GRIK1: variants seen among roughly 807,000 people sequenced by gnomAD.
The protein encoded by GRIK1 is glutamate receptor ionotropic, kainate 1.
In GRIK1, 69 loss-of-function variants were observed where a neutral mutation model predicts 105.7. The ratio of observed to expected loss-of-function variants is 0.65; its 90% CI spans 0.54 to 0.80. GRIK1 has a LOEUF of 0.80. Among genes scored for constraint, GRIK1 ranks in the 30% least tolerant of loss-of-function variants. The probability of loss-of-function intolerance (pLI) is 0.00; values close to 1 mark genes in which losing one functional copy is unlikely to be tolerated. For synonymous variants in GRIK1, 438 were observed against 431.3 expected (o/e 1.02, Z -0.19); for missense variants, 1,109 against 1,167.3 (o/e 0.95, Z 0.73).
At chr21:29,764,622 C>T (rs1014808985) in intron 1 of GRIK1, among the ~76,000 whole-genome samples, 23 of 152,134 alleles carry the variant, frequency 1.5e-4, no homozygotes, top group African/African-American at 5.3e-4. Flanking sequence ...TTCCCCTAGG[C>T]AAGGTCAGTA....
At chr21:29,828,221 G>T (rs1418176691) in intron 1 of GRIK1, among the ~76,000 whole-genome samples, 1 of 151,976 alleles carries the variant, frequency 6.6e-6, no homozygotes, top group Non-Finnish European at 1.5e-5. Flanking sequence ...TATTCAAGAG[G>T]AGGGCACTAC....
rs2089898705 is a variant in GRIK1, at chr21:29,537,484, C to T, written c.2695-99G>A. On this transcript the variant is annotated intron_variant, in intron 17 of 17. Transcript: ENST00000327783. ...GGTATTTATGAACACAAGATATTGG[C>T]TTGAAGGCAGCTCTGTCACAATTGG... 9 of 955,418 alleles carry T rather than the reference C, an allele frequency of 9.4e-6. No homozygotes were observed. The South Asian group carries it at 1.0e-4, about 11-fold the overall frequency. 59.2% of individuals were successfully genotyped at this position (955,418 alleles called of 1,614,324 possible). A position where few individuals can be genotyped will look rare whatever the true frequency, so the allele number is the denominator to read the frequency against.
Position 29,694,048 on chromosome 21 carries a change from G to C in GRIK1, c.134C>G (p.Thr45Arg). The C allele has an allele frequency of 6.3e-7, 1 of 1,594,134 alleles. No individual in the cohort carries two copies. ...QVLRIGGIFE[T>R]VENEPVNVEE... ...AACATTAACAGGCTCATTTTCCACT[G>C]TTTCAAAAATCCCTCCTGCAGAAGC... Residue 45 changes from threonine (T) to arginine (R), a missense_variant, in exon 2 of 18, where the codon ACA becomes AGA. Thr to Arg is a moderately conservative substitution (Grantham distance 71). Around this residue, in one of 5 missense-constraint regions of GRIK1, gnomAD observed 612 missense variants for 586.0 expected, o/e 1.04. Coordinates refer to ENST00000327783, the MANE Select transcript of GRIK1 (RefSeq NM_001330994.2).
At position 29,677,419 on chromosome 21, in the gene GRIK1, A is replaced by G. The variant is rs575528139; in HGVS notation, c.545-4255T>C. On this transcript the variant is annotated intron_variant, in intron 3 of 17. Coordinates refer to ENST00000327783, the MANE Select transcript of GRIK1 (RefSeq NM_001330994.2). ...GTTTTTTTTCACATGAATTTGAGCT[A>G]AGCTCTGCATATAGATACAACTTTC... Among the ~76,000 whole-genome samples, 28 of 152,328 alleles carry G rather than the reference A, an allele frequency of 1.8e-4. 1 individual carries two copies. In the South Asian group the frequency reaches 5.6e-3, roughly 30 times the overall value.
chr21:29,845,395 T>C (rs7283968), intron 1 of GRIK1, among the ~76,000 whole-genome samples: 11,330 of 152,222 alleles, frequency 0.074, 454 homozygotes, highest in African/African-American at 0.11. Flanking sequence ...CTATTTTGTT[T>C]TGTGAGATAT....
chr21:29,738,143 C>T (rs555777667), intron 1 of GRIK1, among the ~76,000 whole-genome samples: 4 of 152,342 alleles, frequency 2.6e-5, no homozygotes, highest in Middle Eastern at 3.4e-3. Flanking sequence ...ACTGGGCAGA[C>T]AGAGAGGTTT....
At chr21:29,810,491 A>C (rs192320848) in intron 1 of GRIK1, among the ~76,000 whole-genome samples, 1 of 152,278 alleles carries the variant, frequency 6.6e-6, no homozygotes, top group Non-Finnish European at 1.5e-5. Context: ...TGCAAAGTAC[A>C]GTAAAGTGAA....
At chr21:29,746,579 T>C (rs988743409) in intron 1 of GRIK1, among the ~76,000 whole-genome samples, 2 of 152,242 alleles carry the variant, frequency 1.3e-5, no homozygotes, top group Non-Finnish European at 2.9e-5. Flanking sequence ...CAGAAAATCA[T>C]AAATGTTCAC....
chr21:29,707,054 C>T (rs1308978774), intron 1 of GRIK1, among the ~76,000 whole-genome samples: 2 of 151,628 alleles, frequency 1.3e-5, no homozygotes, highest in Non-Finnish European at 2.9e-5. Context: ...TTAGTAGAGA[C>T]AGGGTTTCAC....
chr21:29,537,651 C>T, intron 17 of GRIK1, 147 bp downstream of exon 17: 1 of 736,948 alleles, frequency 1.4e-6, no homozygotes. Context: ...AAAGCAAACT[C>T]AGGGCTCTCA....
Position 29,636,842 on chromosome 21 carries a change from T to A in GRIK1, c.1098+5984A>T, listed in dbSNP as rs144958744. Among the ~76,000 whole-genome samples, 638 of 152,316 alleles carry A rather than the reference T, an allele frequency of 4.2e-3. 3 individuals are homozygous for A. The highest frequency in any genetic ancestry group is 0.024 in the Middle Eastern group (7 of 294). ...GCCTCAAAAACAGTGGCTTTTTTTT[T>A]ATATCAATTATCAGTCAAATTTGAA... On this transcript the variant is annotated intron_variant, in intron 7 of 17. Coordinates refer to ENST00000327783, the MANE Select transcript of GRIK1 (RefSeq NM_001330994.2).
At chr21:29,896,245 T>C (rs950610887) in intron 1 of GRIK1, among the ~76,000 whole-genome samples, 1 of 152,234 alleles carries the variant, frequency 6.6e-6, no homozygotes, top group African/African-American at 2.4e-5. Flanking sequence ...GCTTTTGATG[T>C]AGTTTTGTCA....
At chr21:29,761,485 G>A (rs528257114) in intron 1 of GRIK1, 47 of 151,924 alleles carry the variant, frequency 3.1e-4, no homozygotes, top group African/African-American at 1.1e-3. Context: ...AGAAAAGATC[G>A]AATATTACTG....
Position 29,767,956 on chromosome 21 carries a change from T to C in GRIK1, c.119-73893A>G, listed in dbSNP as rs2300320. The stretch of plus-strand genomic sequence containing the variant: ...AAGAGACAGAACATTTGTATTTTAC[T>C]TCCATGACTTGCCTTTTTGGCTTCA... On this transcript the variant is annotated intron_variant, in intron 1 of 17. Transcript: ENST00000327783. 2.2e-3 allele frequency among the ~76,000 whole-genome samples: 342 copies of C among 152,048 alleles called. 7 individuals carry two copies. The East Asian group carries it at 0.043, about 19-fold the overall frequency.
intron 1 of GRIK1, among the ~76,000 whole-genome samples, chr21:29,804,366 G>T (rs2066798294): frequency 6.6e-6 from 1 of 152,024 alleles, no homozygotes; most frequent in Non-Finnish European, 1.5e-5. Flanking sequence ...TTGCACCAAA[G>T]TGCTTCCTAA....
At chr21:29,577,639 T>G (rs1159221817) in intron 13 of GRIK1, among the ~76,000 whole-genome samples, 3 of 152,226 alleles carry the variant, frequency 2.0e-5, no homozygotes. Context: ...AACATGCCAT[T>G]TATCACATAT....
At position 29,623,242 on chromosome 21, in the gene GRIK1, C is replaced by T. The variant is rs143057979; in HGVS notation, c.1098+19584G>A. On this transcript the variant is annotated intron_variant, in intron 7 of 17. Transcript: ENST00000327783. ...GTGCAGGGGAATCCCTCTATAAAAC[C>T]ATGAGATCTCATGAGACTTATTCAC... 5.9e-5 allele frequency among the ~76,000 whole-genome samples: 9 copies of T among 152,214 alleles called. No individual in the cohort carries two copies. The East Asian group carries it at 1.2e-3, about 20-fold the overall frequency.
intron 1 of GRIK1, among the ~76,000 whole-genome samples, chr21:29,809,608 C>A (rs772093114): frequency 2.0e-5 from 3 of 152,176 alleles, no homozygotes; most frequent in Non-Finnish European, 4.4e-5. Context: ...GTTTTGCTTT[C>A]TTATCATTTG....
chr21:29,675,959 A>T (rs964877027), intron 3 of GRIK1, among the ~76,000 whole-genome samples: 5 of 152,336 alleles, frequency 3.3e-5, no homozygotes, highest in East Asian at 1.9e-4. Flanking sequence ...CTATATTAAT[A>T]CATAGCTATA....
Sources: allele counts gnomAD v4.1 joint callset (sites outside exome capture counted in the v4.1 genomes callset), GRCh38; gene constraint gnomAD v4.1.1; regional missense constraint gnomAD v4.1.1; transcripts MANE v1.5; gene names NCBI Gene and HGNC (gene_info 2026-07-23, HGNC 2026-07-21).